The following RERE variants were observed in gnomAD, a reference collection of about 807,000 sequenced individuals.
The protein encoded by RERE is arginine-glutamic acid dipeptide repeats, also known as arginine-glutamic acid dipeptide repeats protein.
Under a neutral mutation model 146.1 loss-of-function variants are expected in RERE, and 40 were observed. The ratio of observed to expected loss-of-function variants is 0.27; its 90% CI spans 0.21 to 0.36. The LOEUF is 0.36. Ranked by LOEUF, RERE falls within the 10% of genes least tolerant of loss-of-function variation. The pLI, the probability that RERE is intolerant of heterozygous loss-of-function variation, is 1.00. For missense variants in RERE, 1,933 were observed against 2,138.7 expected (o/e 0.90, Z 1.90); for synonymous variants, 1,003 against 866.0 (o/e 1.16, Z -2.78).
Position 8,520,936 on chromosome 1 carries a change from G to A in RERE, c.831-12261C>T, listed in dbSNP as rs934320950. On this transcript the variant is annotated intron_variant, in intron 7 of 22. Coordinates refer to ENST00000400908, the MANE Select transcript of RERE (RefSeq NM_001042681.2). ...AAAAAAGGGACTTTGGACCAAGCAA[G>A]CATGTCTACAACACGTCTAAAGGTT... Among the ~76,000 whole-genome samples, 4 of 151,940 alleles carry A rather than the reference G, an allele frequency of 2.6e-5. No homozygotes were observed. In the East Asian group the frequency reaches 7.7e-4, roughly 29 times the overall value.
At chr1:8,649,466 T>C (rs1647492801) in intron 2 of RERE, among the ~76,000 whole-genome samples, 1 of 152,070 alleles carries the variant, frequency 6.6e-6, no homozygotes, top group East Asian at 1.9e-4. Flanking sequence ...GCGGTGGCTC[T>C]CACCTGTAAT....
intron 1 of RERE, among the ~76,000 whole-genome samples, chr1:8,806,122 G>A (rs909931196): frequency 1.3e-5 from 2 of 151,946 alleles, no homozygotes; most frequent in Non-Finnish European, 2.9e-5. Flanking sequence ...AAAGTGCTGG[G>A]ATTACAGGCA....
Position 8,670,162 on chromosome 1 carries a change from T to C in RERE, c.-144-13721A>G, listed in dbSNP as rs142711528. On this transcript the variant is annotated intron_variant, in intron 1 of 22. Transcript: ENST00000400908. ...GACCAAATGTATTAACCCTGCTCTC[T>C]CTGTTAACCTGATGTCATTCAAAAA... Among the ~76,000 whole-genome samples, 776 of 152,296 alleles carry C rather than the reference T, an allele frequency of 5.1e-3. 5 individuals carry two copies. Among genetic ancestry groups the C allele is most frequent in the African/African-American group, 0.017 (717 of 41,554 alleles).
At chr1:8,408,509 T>C (rs1255677900) in intron 12 of RERE, among the ~76,000 whole-genome samples, 1 of 152,104 alleles carries the variant, frequency 6.6e-6, no homozygotes, top group Admixed American at 6.5e-5. Context: ...GCAGGCCTTT[T>C]ATATAGTGGG....
At chr1:8,674,977 A>G (rs1328624680) in intron 1 of RERE, among the ~76,000 whole-genome samples, 2 of 152,218 alleles carry the variant, frequency 1.3e-5, no homozygotes, top group African/African-American at 4.8e-5. Flanking sequence ...GCACACAGTT[A>G]AAACAGCATT....
chr1:8,445,333 A>G (rs1411346519), intron 11 of RERE, among the ~76,000 whole-genome samples: 1 of 152,218 alleles, frequency 6.6e-6, no homozygotes, highest in East Asian at 1.9e-4. Flanking sequence ...ACCAAGGTAC[A>G]GACTTTTCTT....
chr1:8,669,718 T>C (rs970307605), intron 1 of RERE, among the ~76,000 whole-genome samples: 11 of 152,202 alleles, frequency 7.2e-5, no homozygotes, highest in African/African-American at 2.7e-4. Context: ...ACAGGAATTC[T>C]TGGTCAGGCT....
chr1:8,755,151 A>G (rs991779928), intron 1 of RERE, among the ~76,000 whole-genome samples: 4 of 152,248 alleles, frequency 2.6e-5, no homozygotes, highest in Non-Finnish European at 4.4e-5. Flanking sequence ...TAGCAGTGGT[A>G]ACAGACATAA....
chr1:8,665,062 T>C (rs969557339), intron 1 of RERE, among the ~76,000 whole-genome samples: 1 of 152,078 alleles, frequency 6.6e-6, no homozygotes, highest in Non-Finnish European at 1.5e-5. Context: ...AGCCACACTA[T>C]CCCTCCCTCA....
At chr1:8,365,194 C>T (rs576338936) in intron 13 of RERE, among the ~76,000 whole-genome samples, 58 of 152,298 alleles carry the variant, frequency 3.8e-4, no homozygotes, top group African/African-American at 2.9e-4. Flanking sequence ...CCAACTTCAC[C>T]GAGCGCCCCC....
At chr1:8,367,076 T>G (rs1056027817) in intron 12 of RERE, among the ~76,000 whole-genome samples, 3 of 152,132 alleles carry the variant, frequency 2.0e-5, no homozygotes, top group African/African-American at 7.2e-5. Flanking sequence ...GCACCCTCAC[T>G]TTGTCTCATC....
At chr1:8,385,968 T>TAAAAAA (rs34493389) in intron 12 of RERE, among the ~76,000 whole-genome samples, 6 of 9,484 alleles carry the variant, frequency 6.3e-4, no homozygotes, top group Non-Finnish European at 9.7e-4. Context: ...GACTCCGTCT[T>TAAAAAA]AAAAAAAAAA....
intron 4 of RERE, among the ~76,000 whole-genome samples, chr1:8,564,279 G>C (rs1646113018): frequency 6.6e-6 from 1 of 152,182 alleles, no homozygotes; most frequent in Non-Finnish European, 1.5e-5. Context: ...TCTGATTTCA[G>C]AATTTTCTAG....
chr1:8,423,746 G>C lies in RERE; in HGVS notation c.1204-939C>G. ...GGCCGCGCGGCGCGGGGCCCGGGGG[G>C]CGCGGGGCTGGGGCCGCCGCTGACG... On this transcript the variant is annotated intron_variant, in intron 11 of 22. Coordinates refer to ENST00000400908, the MANE Select transcript of RERE (RefSeq NM_001042681.2). This position sits in a 1 kb window ranked among gnomAD's most constrained non-coding sequence, Gnocchi z 5.4. The C allele has an allele frequency of 5.2e-6, 5 of 958,964 alleles. No individual in the cohort carries two copies. Among genetic ancestry groups the C allele is most frequent in the South Asian group, 4.8e-5 (1 of 20,964 alleles). 59.4% of individuals were successfully genotyped at this position (958,964 alleles called of 1,614,324 possible). A position where few individuals can be genotyped will look rare whatever the true frequency, so the allele number is the denominator to read the frequency against.
Position 8,382,530 on chromosome 1 carries a change from A to G in RERE, c.1285-16556T>C, listed in dbSNP as rs139051529. On this transcript the variant is annotated intron_variant, in intron 12 of 22. Coordinates refer to ENST00000400908, the MANE Select transcript of RERE (RefSeq NM_001042681.2). Reference sequence around the variant, plus strand: ...AACATTGACTGTCTAGCCTTTTTCAACTGGAGTTCTTAAAATGAAGTGACT... The same window carrying G: ...AACATTGACTGTCTAGCCTTTTTCAGCTGGAGTTCTTAAAATGAAGTGACT... Among the ~76,000 whole-genome samples the G allele has an allele frequency of 4.1e-4, 62 of 152,366 alleles. No homozygotes were observed. The East Asian group carries it at 9.6e-3, about 24-fold the overall frequency.
chr1:8,363,335 G>A (rs1274947902), intron 15 of RERE, among the ~76,000 whole-genome samples: 3 of 152,210 alleles, frequency 2.0e-5, no homozygotes, highest in African/African-American at 4.8e-5. Context: ...GCCGCCAAGC[G>A]CTTCAGCATG....
chr1:8,709,800 G>C (rs1342292349), intron 1 of RERE, among the ~76,000 whole-genome samples: 1 of 152,078 alleles, frequency 6.6e-6, no homozygotes, highest in Non-Finnish European at 1.5e-5. Context: ...GTGCATACAT[G>C]TATTTCTACA....
intron 4 of RERE, among the ~76,000 whole-genome samples, chr1:8,571,104 A>G (rs1352619456): frequency 6.6e-6 from 1 of 152,248 alleles, no homozygotes; most frequent in Non-Finnish European, 1.5e-5. Context: ...TTGAAGCTGA[A>G]AGCATGCAGA....
chr1:8,461,610 C>T lies in RERE; in HGVS notation c.1203+4315G>A, dbSNP rs191761284. On this transcript the variant is annotated intron_variant, in intron 11 of 22. Coordinates refer to ENST00000400908, the MANE Select transcript of RERE (RefSeq NM_001042681.2). ...GATTTGAAGTGTCTCAGCCCCAAAG[C>T]AACTTCAATTAGGAACATCATACAC... is the stretch of plus-strand genomic sequence containing the variant. Among the ~76,000 whole-genome samples, 264 of 152,234 alleles carry T rather than the reference C, an allele frequency of 1.7e-3. 1 individual carries two copies. The highest frequency in any genetic ancestry group is 3.2e-3 in the Non-Finnish European group (221 of 68,018).
Sources: gnomAD v4.1 joint callset for allele counts (sites outside exome capture counted in the v4.1 genomes callset) on GRCh38, gnomAD v4.1.1 for gene constraint, Gnocchi (gnomAD v3.1) non-coding constraint, MANE v1.5 for transcripts, NCBI Gene and HGNC (gene_info 2026-07-23, HGNC 2026-07-21) for gene names.